Variants in ABCC5 observed in about 807,000 individuals in gnomAD.
The protein encoded by ABCC5 is ATP binding cassette subfamily C member 5, also known as ATP-binding cassette sub-family C member 5.
ABCC5 carries 61 observed loss-of-function variants against 160.9 expected under a neutral mutation model. The ratio of observed to expected loss-of-function variants is 0.38; its 90% CI spans 0.31 to 0.47. ABCC5 has a LOEUF of 0.47. Among genes scored for constraint, ABCC5 ranks in the 20% least tolerant of loss-of-function variants. The pLI, the probability that ABCC5 is intolerant of heterozygous loss-of-function variation, is 0.99. For missense variants in ABCC5, 1,308 were observed against 1,813.3 expected (o/e 0.72, Z 5.06); for synonymous variants, 666 against 700.6 (o/e 0.95, Z 0.78).
chr3:183,992,996 T>C (rs78043452), intron 2 of ABCC5, among the ~76,000 whole-genome samples: 7,224 of 152,270 alleles, frequency 0.047, 257 homozygotes, highest in East Asian at 0.17. Context: ...ATTCAGATTA[T>C]AATAATTGAG....
Position 183,987,778 on chromosome 3 carries a change from T to A in ABCC5, c.583A>T (p.Ser195Cys). ...CLMITQLAGF[S>C]GPAFMVKHLL... is the part of the protein sequence containing the mutation. ...GGATGGTTAGAACTTACTGGTCCACTGAAGCCAGCCAGCTGCGTGATCATC... is the reference window on the plus strand; with the variant it reads ...GGATGGTTAGAACTTACTGGTCCACAGAAGCCAGCCAGCTGCGTGATCATC... Residue 195 changes from serine to cysteine, a missense_variant, in exon 5 of 30, where the codon AGT becomes TGT. Physicochemically the swap from Ser to Cys is moderately radical, Grantham distance 112. This residue lies in a region of ABCC5 where 1,142 missense variants were observed against 1,527.1 expected (regional missense o/e 0.75). Transcript: ENST00000334444. The surrounding 1 kb of genome is among the most constrained non-coding windows in gnomAD (Gnocchi z 4.2). 6.2e-7 allele frequency: 1 copy of A among 1,614,186 alleles called. No individual in the cohort carries two copies. The highest frequency in any genetic ancestry group is 2.2e-5 in the East Asian group (1 of 44,884).
chr3:184,003,589 G>A (rs544774845), intron 2 of ABCC5, among the ~76,000 whole-genome samples: 1 of 152,316 alleles, frequency 6.6e-6, no homozygotes, highest in Admixed American at 6.5e-5. Context: ...ACTACACTGA[G>A]AAAAGAATTA....
In ABCC5 at chr3:183,940,567, G is replaced by A. The variant is rs142059775; in HGVS notation, c.3694+2160C>T. On this transcript the variant is annotated intron_variant, in intron 25 of 29. Coordinates refer to ENST00000334444, the MANE Select transcript of ABCC5 (RefSeq NM_005688.4). ...AGGAGGGGAGGAGACATTCCCTCTG[G>A]GCCGAGGCAGGGCTTTAAGATCTAA... 5.0e-3 allele frequency among the ~76,000 whole-genome samples: 756 copies of A among 151,746 alleles called. 10 individuals carry two copies. Among genetic ancestry groups the A allele is most frequent in the African/African-American group, 0.017 (707 of 41,380 alleles).
rs1718861302 is a variant in ABCC5, at chr3:183,982,804, T to C, written c.795A>G (p.Leu265=). 2 of 1,614,106 alleles carry C rather than the reference T, an allele frequency of 1.2e-6. No individual in the cohort carries two copies. Among genetic ancestry groups the C allele is most frequent in the African/African-American group, 1.3e-5 (1 of 74,932 alleles). ...LTMAFKKILK[L]KNIKEKSLGE... is the part of the protein sequence containing the mutation. ...CCAGGGATTTCTCTTTAATGTTCTT[T>C]AACTTAAGGATCTTCTTAAATGCCA... The change falls in exon 6 of 30, where the codon TTA becomes TTG. Residue 265 remains leucine, a synonymous_variant. Transcript: ENST00000334444. This position sits in a 1 kb window ranked among gnomAD's most constrained non-coding sequence, Gnocchi z 5.2.
chr3:183,997,737 C>T (rs1211911752), intron 2 of ABCC5, among the ~76,000 whole-genome samples: 1 of 152,152 alleles, frequency 6.6e-6, no homozygotes, highest in Non-Finnish European at 1.5e-5. Context: ...ACCACTGAGG[C>T]GATCTTACCC....
At chr3:183,950,248 G>C (rs1292008644) in intron 20 of ABCC5, 123 bp from the exon 21 acceptor site, 36 of 1,185,768 alleles carry the variant, frequency 3.0e-5, no homozygotes, top group Middle Eastern at 2.7e-4. Context: ...TCTTTAAACA[G>C]TCTGATCAAA....
At chr3:183,999,730 G>C (rs1007160543) in intron 2 of ABCC5, among the ~76,000 whole-genome samples, 3 of 152,162 alleles carry the variant, frequency 2.0e-5, no homozygotes, top group Middle Eastern at 3.4e-3. Flanking sequence ...AGTGAGCCAT[G>C]ATTGCACCTC....
chr3:183,961,948 T>C (rs1716783803), intron 15 of ABCC5, among the ~76,000 whole-genome samples: 1 of 152,138 alleles, frequency 6.6e-6, no homozygotes, highest in Non-Finnish European at 1.5e-5. Flanking sequence ...TCTGGCTAAT[T>C]TTTTTGTATT....
At chr3:183,990,036 C>T (rs959364158) in intron 2 of ABCC5, among the ~76,000 whole-genome samples, 2 of 152,134 alleles carry the variant, frequency 1.3e-5, no homozygotes, top group African/African-American at 4.8e-5. Flanking sequence ...AACTCCTGAC[C>T]TCATGATCCA....
At chr3:183,922,341 C>G (rs565452721) in intron 29 of ABCC5, among the ~76,000 whole-genome samples, 7 of 150,466 alleles carry the variant, frequency 4.7e-5, no homozygotes, top group African/African-American at 1.7e-4. Flanking sequence ...TATTGCACTC[C>G]CAGCCTGGGC....
intron 17 of ABCC5, among the ~76,000 whole-genome samples, chr3:183,956,264 G>A (rs1282092238): frequency 7.0e-6 from 1 of 142,236 alleles, no homozygotes; most frequent in Admixed American, 7.0e-5. Flanking sequence ...AAATCACATC[G>A]GTTACATGCA....
chr3:183,967,535 G>A, intron 12 of ABCC5, 160 bp downstream of exon 12: 2 of 662,580 alleles, frequency 3.0e-6, no homozygotes, highest in Non-Finnish European at 5.4e-6. Context: ...CTGTGAAGGG[G>A]GAGAACTGGG....
chr3:183,961,649 C>A lies in ABCC5; in HGVS notation c.2241G>T (p.Leu747=). Residue 747 remains leucine (L), a synonymous_variant, in exon 16 of 30, where the codon CTG becomes CTT. Coordinates refer to ENST00000334444, the MANE Select transcript of ABCC5 (RefSeq NM_005688.4). ...TGAAGATCACTTCATCACAGTCAAC[C>A]AGGTACTGAAGGCAAAGGCAGAGAC... ...VLFVTHQLQY[L]VDCDEVIFMK... 6.2e-7 allele frequency: 1 copy of A among 1,614,186 alleles called. No homozygotes were observed. Among genetic ancestry groups the A allele is most frequent in the Non-Finnish European group, 8.5e-7 (1 of 1,180,018 alleles).
chr3:183,943,619 T>C (rs981069374), intron 24 of ABCC5, among the ~76,000 whole-genome samples: 4 of 152,184 alleles, frequency 2.6e-5, no homozygotes, highest in South Asian at 4.1e-4. Flanking sequence ...CCATGGAGTA[T>C]ATAGCCTTAT....
intron 11 of ABCC5, among the ~76,000 whole-genome samples, chr3:183,970,050 T>C (rs1004198315): frequency 6.6e-6 from 1 of 152,230 alleles, no homozygotes; most frequent in Non-Finnish European, 1.5e-5. Context: ...TTGTCTCCCC[T>C]GCAGCAACCA....
At chr3:183,978,081 A>C (rs1718381448) in intron 9 of ABCC5, among the ~76,000 whole-genome samples, 1 of 152,052 alleles carries the variant, frequency 6.6e-6, no homozygotes, top group Non-Finnish European at 1.5e-5. Context: ...AGTTTTTGAG[A>C]CCTTCAATTA....
At chr3:183,972,972 T>C (rs1025302962) in intron 10 of ABCC5, among the ~76,000 whole-genome samples, 5 of 150,308 alleles carry the variant, frequency 3.3e-5, no homozygotes, top group African/African-American at 1.2e-4. Flanking sequence ...AAGAGGGAAA[T>C]GTTTCTGAAA....
chr3:184,010,266 CAAAA>C (rs10541470), intron 2 of ABCC5, among the ~76,000 whole-genome samples: 2 of 74,478 alleles, frequency 2.7e-5, no homozygotes, highest in African/African-American at 1.0e-4. Context: ...GACTTCGTCT[CAAAA>C]AAAAAAAAAA....
At chr3:183,943,838 T>G (rs1313475460) in intron 24 of ABCC5, among the ~76,000 whole-genome samples, 1 of 152,114 alleles carries the variant, frequency 6.6e-6, no homozygotes, top group African/African-American at 2.4e-5. Context: ...TAACATTAAC[T>G]CAAACACTGC....
Sources: gnomAD v4.1 joint callset for allele counts (sites outside exome capture counted in the v4.1 genomes callset) on GRCh38, gnomAD v4.1.1 for gene constraint, gnomAD v4.1.1 regional missense constraint, Gnocchi (gnomAD v3.1) non-coding constraint, MANE v1.5 for transcripts, NCBI Gene and HGNC (gene_info 2026-07-23, HGNC 2026-07-21) for gene names.